The following TNNI3K variants were observed in gnomAD, a reference collection of about 807,000 sequenced individuals.
TNNI3K encodes the protein serine/threonine-protein kinase TNNI3K.
Under a neutral mutation model 114.5 loss-of-function variants are expected in TNNI3K, and 140 were observed. The ratio of observed to expected loss-of-function variants is 1.22; its 90% confidence interval spans 1.07 to 1.41. TNNI3K has a LOEUF of 1.41. TNNI3K is among the 40% of genes most tolerant of loss of function. The pLI is 0.00. For synonymous variants in TNNI3K, 347 were observed against 347.5 expected (o/e 1.00, Z 0.02); for missense variants, 1,125 against 1,007.6 (o/e 1.12, Z -1.58).
intron 21 of TNNI3K, among the ~76,000 whole-genome samples, chr1:74,473,362 C>T (rs1157706119): frequency 1.3e-5 from 2 of 152,000 alleles, no homozygotes; most frequent in African/African-American, 2.4e-5. Context: ...TTGTCTTAAC[C>T]ACAATGCATC....
intron 2 of TNNI3K, among the ~76,000 whole-genome samples, chr1:74,247,387 T>C (rs792324): frequency 0.85 from 129,246 of 152,168 alleles, 54,959 homozygotes; most frequent in East Asian, 0.88. Flanking sequence ...TGTTACAGCT[T>C]ATAAAGGCAG....
intron 4 of TNNI3K, among the ~76,000 whole-genome samples, chr1:74,253,069 A>G (rs1174153630): frequency 6.6e-6 from 1 of 152,172 alleles, no homozygotes; most frequent in Non-Finnish European, 1.5e-5. Context: ...AGCTAGACAC[A>G]AAAGTTCTCC....
At chr1:74,293,972 C>T (rs1657831195) in intron 5 of TNNI3K, among the ~76,000 whole-genome samples, 1 of 151,550 alleles carries the variant, frequency 6.6e-6, no homozygotes, top group Non-Finnish European at 1.5e-5. Context: ...TCTATTATTT[C>T]ATTAATATGC....
chr1:74,390,215 T>C (rs1462604255), intron 17 of TNNI3K, among the ~76,000 whole-genome samples: 1 of 151,292 alleles, frequency 6.6e-6, no homozygotes, highest in African/African-American at 2.5e-5. Context: ...AAGTGAGATA[T>C]GCCATGGAAA....
chr1:74,429,166 A>C (rs1665776108), intron 17 of TNNI3K, among the ~76,000 whole-genome samples: 1 of 152,090 alleles, frequency 6.6e-6, no homozygotes, highest in South Asian at 2.1e-4. Flanking sequence ...GCTCAAAACC[A>C]GGACCTCCAG....
intron 17 of TNNI3K, among the ~76,000 whole-genome samples, chr1:74,411,606 A>G (rs974145131): frequency 2.0e-5 from 3 of 152,074 alleles, no homozygotes; most frequent in African/African-American, 7.2e-5. Context: ...ATTCACTCAC[A>G]TTTTTTGATT....
At chr1:74,386,061 T>C (rs1300689273) in intron 17 of TNNI3K, among the ~76,000 whole-genome samples, 1 of 152,222 alleles carries the variant, frequency 6.6e-6, no homozygotes, top group African/African-American at 2.4e-5. Flanking sequence ...ATCTGATGGC[T>C]TTACAAAAGG....
At chr1:74,367,227 C>T (rs1334488075) in intron 11 of TNNI3K, 29 bp from the exon 12 acceptor site, 15 of 1,605,302 alleles carry the variant, frequency 9.3e-6, no homozygotes, top group East Asian at 4.5e-5. Context: ...AAATTTAGGA[C>T]TCTTTGTTCT....
intron 11 of TNNI3K, among the ~76,000 whole-genome samples, 180 bp from the exon 12 acceptor site, chr1:74,367,076 G>A (rs1217166212): frequency 1.3e-5 from 2 of 151,936 alleles, no homozygotes; most frequent in African/African-American, 2.4e-5. Flanking sequence ...TTCGCATATG[G>A]TAGTCTTAAG....
intron 17 of TNNI3K, among the ~76,000 whole-genome samples, chr1:74,391,825 G>C (rs982943705): frequency 6.6e-6 from 1 of 152,244 alleles, no homozygotes; most frequent in East Asian, 1.9e-4. Flanking sequence ...GCAGCAAATG[G>C]TGCTATGGGA....
chr1:74,432,927 C>T (rs1431051700), intron 17 of TNNI3K, among the ~76,000 whole-genome samples: 2 of 152,006 alleles, frequency 1.3e-5, no homozygotes. Flanking sequence ...CTGATTTCAC[C>T]TCTTTAGCCT....
intron 17 of TNNI3K, among the ~76,000 whole-genome samples, chr1:74,432,055 CA>C (rs1436975319): frequency 6.6e-6 from 1 of 151,858 alleles, no homozygotes; most frequent in Non-Finnish European, 1.5e-5. Flanking sequence ...GTTTAAGATG[CA>C]AGTCTGTGTA....
chr1:74,402,713 T>A (rs1483013251), intron 17 of TNNI3K, among the ~76,000 whole-genome samples: 2 of 152,220 alleles, frequency 1.3e-5, no homozygotes, highest in Non-Finnish European at 2.9e-5. Flanking sequence ...AGGACTGAAG[T>A]CCCTGTTTCC....
Position 74,390,141 on chromosome 1 carries a change from C to T in TNNI3K, c.1772+19749C>T, listed in dbSNP as rs546652314. On this transcript the variant is annotated intron_variant, in intron 17 of 24. Transcript: ENST00000326637. ...AAAAATGTAGAGAGCATCTTCATAG[C>T]TCCTATAATCACTGGATTCTTTAAT... 3.3e-5 allele frequency among the ~76,000 whole-genome samples: 5 copies of T among 152,214 alleles called. No individual in the cohort carries two copies. In the East Asian group the frequency reaches 9.7e-4, roughly 29 times the overall value.
intron 20 of TNNI3K, among the ~76,000 whole-genome samples, chr1:74,457,999 A>C (rs1489290717): frequency 6.6e-6 from 1 of 152,198 alleles, no homozygotes; most frequent in East Asian, 1.9e-4. Context: ...AACAGAAAAC[A>C]TACAATTATG....
intron 9 of TNNI3K, 43 bp from the exon 10 acceptor site, chr1:74,353,223 C>G (rs187317685): frequency 1.2e-5 from 19 of 1,597,228 alleles, no homozygotes; most frequent in African/African-American, 4.1e-5. Flanking sequence ...TAGTTCATAA[C>G]AAGGACCTTC....
chr1:74,469,058 C>T (rs1404851336), intron 21 of TNNI3K: 1 of 152,172 alleles, frequency 6.6e-6, no homozygotes, highest in Non-Finnish European at 1.5e-5. Flanking sequence ...AAGCTATGCA[C>T]TAATAGGTTA....
rs1336588219 is a variant in TNNI3K, at chr1:74,320,568, A to G, written c.445-10882A>G. 2.6e-5 allele frequency among the ~76,000 whole-genome samples: 4 copies of G among 152,224 alleles called. No homozygotes were observed. In the East Asian group the frequency reaches 5.8e-4, roughly 22 times the overall value. On this transcript the variant is annotated intron_variant, in intron 5 of 24. Transcript: ENST00000326637. ...GAGTTCCAAAAAAGGCACACACTTC[A>G]TATTCTACACATGTACTTGCAACAA...
intron 17 of TNNI3K, among the ~76,000 whole-genome samples, chr1:74,404,038 A>G (rs1664496463): frequency 6.6e-6 from 1 of 152,094 alleles, no homozygotes; most frequent in Non-Finnish European, 1.5e-5. Flanking sequence ...AATGTCCTTT[A>G]ATTTGAGCTG....
Sources: allele counts gnomAD v4.1 joint callset (sites outside exome capture counted in the v4.1 genomes callset), GRCh38; gene constraint gnomAD v4.1.1; transcripts MANE v1.5; gene names NCBI Gene and HGNC (gene_info 2026-07-23, HGNC 2026-07-21).